CLIC6: variants seen among roughly 807,000 people sequenced by gnomAD.
The protein encoded by CLIC6 is chloride intracellular channel protein 6.
A neutral mutation model predicts 49.2 loss-of-function variants in CLIC6; 39 were observed. The observed-to-expected ratio is 0.79, with a 90% CI of 0.61 to 1.04. CLIC6 has a LOEUF of 1.04. Ranked by LOEUF, CLIC6 falls within the 50% of genes least tolerant of loss-of-function variation. CLIC6 has a pLI of 0.00. For missense variants in CLIC6, 988 were observed against 993.1 expected (o/e 0.99, Z 0.07); for synonymous variants, 446 against 433.4 (o/e 1.03, Z -0.36).
At chr21:34,704,292 A>G (rs1257716668) in intron 1 of CLIC6, among the ~76,000 whole-genome samples, 1 of 152,212 alleles carries the variant, frequency 6.6e-6, no homozygotes, top group Non-Finnish European at 1.5e-5. Context: ...TTGCTGGCAC[A>G]TCCAGGCCCT....
intron 5 of CLIC6, among the ~76,000 whole-genome samples, chr21:34,709,755 CCTT>C (rs1170329113): frequency 6.6e-6 from 1 of 152,192 alleles, no homozygotes; most frequent in Non-Finnish European, 1.5e-5. Context: ...CATGGCCCCA[CCTT>C]CTGCTTCTCT....
chr21:34,698,252 C>A (rs1990123623), intron 1 of CLIC6, among the ~76,000 whole-genome samples: 1 of 152,178 alleles, frequency 6.6e-6, no homozygotes, highest in African/African-American at 2.4e-5. Flanking sequence ...TCACATGGGC[C>A]ACGCCACAAG....
Position 34,699,492 on chromosome 21 carries a change from G to A in CLIC6, c.1375-7788G>A, listed in dbSNP as rs547885682. Among the ~76,000 whole-genome samples the A allele has an allele frequency of 8.8e-5, 13 of 148,064 alleles. No homozygotes were observed. The South Asian group carries it at 2.8e-3, about 32-fold the overall frequency. On this transcript the variant is annotated intron_variant, in intron 1 of 5. Transcript: ENST00000349499. ...TTGCCCAGGGTGGTCTTGAACTCTT[G>A]AGCTCAAGCAATCTGCCCACCTCGG... is the stretch of plus-strand genomic sequence containing the variant.
In CLIC6 at chr21:34,669,636, C is replaced by T. The variant is rs903063791; in HGVS notation, c.248C>T (p.Thr83Ile). Residue 83 changes from threonine (T) to isoleucine (I), a missense_variant, in exon 1 of 6, where the codon ACT becomes ATT. Thr to Ile is a moderately conservative substitution (Grantham distance 89). This residue lies in a region of CLIC6 where 284 missense variants were observed against 278.6 expected (regional missense o/e 1.02). Coordinates refer to ENST00000349499, the MANE Select transcript of CLIC6 (RefSeq NM_053277.3). ...ARGTRGAHGE[T>I]EAEEGAPEGA... ...GGCACGAGGGGGGCGCACGGCGAGACTGAGGCCGAGGAGGGAGCCCCGGAG... is the reference window on the plus strand; with the variant it reads ...GGCACGAGGGGGGCGCACGGCGAGATTGAGGCCGAGGAGGGAGCCCCGGAG... The T allele has an allele frequency of 3.6e-4, 463 of 1,295,494 alleles. No individual in the cohort carries two copies. Among genetic ancestry groups the T allele is most frequent in the Non-Finnish European group, 4.3e-4 (441 of 1,024,904 alleles). 80.2% of individuals were successfully genotyped at this position (1,295,494 alleles called of 1,614,324 possible).
chr21:34,671,138 AAAAAGAAG>A (rs1391152821), intron 1 of CLIC6, among the ~76,000 whole-genome samples: 2 of 78,656 alleles, frequency 2.5e-5, no homozygotes, highest in East Asian at 7.3e-4. Flanking sequence ...AAAAAAAAAA[AAAAAGAAG>A]AAGAAGAAGA....
chr21:34,679,440 G>T (rs183852799), intron 1 of CLIC6, among the ~76,000 whole-genome samples: 1 of 152,050 alleles, frequency 6.6e-6, no homozygotes, highest in Non-Finnish European at 1.5e-5. Flanking sequence ...TAGCCAAACC[G>T]TATCATTCCA....
chr21:34,713,804 C>T (rs2834600), intron 5 of CLIC6, among the ~76,000 whole-genome samples: 13,888 of 152,198 alleles, frequency 0.091, 829 homozygotes, highest in Non-Finnish European at 0.13. Flanking sequence ...CACACTGAGA[C>T]ATACTTGATA....
At chr21:34,672,183 G>A (rs918457924) in intron 1 of CLIC6, among the ~76,000 whole-genome samples, 5 of 152,146 alleles carry the variant, frequency 3.3e-5, no homozygotes, top group South Asian at 2.1e-4. Context: ...AGTGAGCTGC[G>A]GACAAGATCT....
chr21:34,670,815 T>C, intron 1 of CLIC6, 53 bp downstream of exon 1: 1 of 1,545,216 alleles, frequency 6.5e-7, no homozygotes, highest in Non-Finnish European at 8.7e-7. Context: ...TTCGAGGTCT[T>C]GGTCATCTCA....
intron 1 of CLIC6, among the ~76,000 whole-genome samples, chr21:34,683,268 A>T (rs1989816376): frequency 6.6e-6 from 1 of 152,244 alleles, no homozygotes; most frequent in Admixed American, 6.5e-5. Flanking sequence ...CCATCTTCAG[A>T]TGTAAGATAT....
Position 34,669,721 on chromosome 21 carries a change from G to A in CLIC6, c.333G>A (p.Ala111=), listed in dbSNP as rs1271393231. 19 of 1,383,432 alleles carry A rather than the reference G, an allele frequency of 1.4e-5. No homozygotes were observed. Among genetic ancestry groups the A allele is most frequent in the Non-Finnish European group, 1.6e-5 (17 of 1,078,874 alleles). The allele number at this position is 1,383,432 out of a possible 1,614,324, so 85.7% of individuals were successfully genotyped here. A position where few individuals can be genotyped will look rare whatever the true frequency, so the allele number is the denominator to read the frequency against. The change falls in exon 1 of 6, where the codon GCG becomes GCA. Residue 111 remains alanine (A), a synonymous_variant. Coordinates refer to ENST00000349499, the MANE Select transcript of CLIC6 (RefSeq NM_053277.3). ...ETSGAQQVEG[A]SPGRGAQGEP... is the part of the protein sequence containing the mutation. The stretch of plus-strand genomic sequence containing the variant: ...GCGGCGCGCAGCAGGTGGAGGGGGC[G>A]AGCCCGGGACGCGGCGCGCAGGGCG...
chr21:34,674,434 A>G (rs1458249483), intron 1 of CLIC6, among the ~76,000 whole-genome samples: 1 of 152,260 alleles, frequency 6.6e-6, no homozygotes, highest in East Asian at 1.9e-4. Flanking sequence ...GGTTACAAAT[A>G]TACCAGAAAG....
rs142197835 is a variant in CLIC6 at position 34,716,831 on chromosome 21, TTCTC to T, written c.*375_*378del. On this transcript the variant is annotated 3_prime_UTR_variant, in exon 6 of 6. Coordinates refer to ENST00000349499, the MANE Select transcript of CLIC6 (RefSeq NM_053277.3). ...CATGTTCCAAATCTTCAGTATCTTG[TTCTC>T]TCTCTCTCTCTCTCTCTCTCTCTCT... 10,272 of 133,760 alleles carry T rather than the reference TTCTC, an allele frequency of 0.077. 583 individuals carry two copies. The highest frequency in any genetic ancestry group is 0.17 in the African/African-American group (5,580 of 31,898). The allele number at this position is 133,760 out of a possible 1,614,324, so 8.3% of individuals were successfully genotyped here. A position where few individuals can be genotyped will look rare whatever the true frequency, so the allele number is the denominator to read the frequency against.
At chr21:34,692,192 G>A (rs1395973530) in intron 1 of CLIC6, among the ~76,000 whole-genome samples, 3 of 152,206 alleles carry the variant, frequency 2.0e-5, no homozygotes, top group African/African-American at 7.2e-5. Context: ...CGTTGAGAAG[G>A]TATAGAAAAG....
intron 1 of CLIC6, among the ~76,000 whole-genome samples, chr21:34,676,821 G>A (rs1232134603): frequency 1.3e-5 from 2 of 152,114 alleles, no homozygotes; most frequent in African/African-American, 4.8e-5. Flanking sequence ...GTGATCTTTG[G>A]TCTATCATTC....
chr21:34,694,731 G>C (rs1192687895), intron 1 of CLIC6, among the ~76,000 whole-genome samples: 2 of 152,178 alleles, frequency 1.3e-5, no homozygotes, highest in Non-Finnish European at 2.9e-5. Context: ...ATCTCAGGTA[G>C]TTCTGTGTAG....
chr21:34,688,370 G>A (rs952133207), intron 1 of CLIC6, among the ~76,000 whole-genome samples: 4 of 152,200 alleles, frequency 2.6e-5, no homozygotes, highest in Admixed American at 2.0e-4. Flanking sequence ...CCACTAGAGC[G>A]CAGGCGAGGG....
At chr21:34,674,267 T>A (rs560844263) in intron 1 of CLIC6, among the ~76,000 whole-genome samples, 2 of 152,190 alleles carry the variant, frequency 1.3e-5, no homozygotes, top group Admixed American at 6.5e-5. Flanking sequence ...TTCAAAAAAA[T>A]TTTTGTAGAG....
At position 34,709,418 on chromosome 21, in the gene CLIC6, G is replaced by A. The variant is rs747240450; in HGVS notation, c.1779G>A (p.Leu593=). 8 of 1,614,048 alleles carry A rather than the reference G, an allele frequency of 5.0e-6. No individual in the cohort carries two copies. The highest frequency in any genetic ancestry group is 6.8e-6 in the Non-Finnish European group (8 of 1,179,952). The change falls in exon 5 of 6, where the codon CTG becomes CTA. Residue 593 remains leucine, a synonymous_variant. Coordinates refer to ENST00000349499, the MANE Select transcript of CLIC6 (RefSeq NM_053277.3). ...RKLDNYLNSP[L]PDEIDAYSTE... The stretch of plus-strand genomic sequence containing the variant: ...TGGATAATTACTTAAATAGCCCTCT[G>A]CCTGATGAAATAGATGCCTACAGCA...
Sources: allele counts gnomAD v4.1 joint callset (sites outside exome capture counted in the v4.1 genomes callset), GRCh38; gene constraint gnomAD v4.1.1; regional missense constraint gnomAD v4.1.1; transcripts MANE v1.5; gene names NCBI Gene and HGNC (gene_info 2026-07-23, HGNC 2026-07-21).